RBMS3: variants seen among roughly 807,000 people sequenced by gnomAD.
RBMS3 encodes RNA binding motif single stranded interacting protein 3, also known as RNA-binding motif, single-stranded-interacting protein 3.
RBMS3 carries 27 observed loss-of-function variants against 66.8 expected under a neutral mutation model. That is an observed-to-expected ratio of 0.40 (90% CI 0.30 to 0.56). The LOEUF is 0.56. Among genes scored for constraint, RBMS3 ranks in the 20% least tolerant of loss-of-function variants. RBMS3 has a pLI of 0.40. For missense variants in RBMS3, 513 were observed against 549.5 expected (o/e 0.93, Z 0.66); for synonymous variants, 188 against 183.0 (o/e 1.03, Z -0.22).
At chr3:29,993,437 T>G (rs1264864661) in intron 14 of RBMS3, among the ~76,000 whole-genome samples, 2 of 152,142 alleles carry the variant, frequency 1.3e-5, no homozygotes, top group Non-Finnish European at 2.9e-5. Flanking sequence ...TATGTGACCA[T>G]TTGACTGAGC....
Position 29,862,685 on chromosome 3 carries a change from G to A in RBMS3, c.638-6173G>A, listed in dbSNP as rs140688654. 6.7e-3 allele frequency among the ~76,000 whole-genome samples: 1,024 copies of A among 151,850 alleles called. 10 individuals carry two copies. The highest frequency in any genetic ancestry group is 0.032 in the South Asian group (152 of 4,808). On this transcript the variant is annotated intron_variant, in intron 6 of 14. Transcript: ENST00000383767. ...GGGAGGAACTGCCCTTAGAAGTGAC[G>A]AGAGTGAAATTAGCTAAGTGTGGCG...
chr3:29,659,255 C>T (rs1317999279), intron 4 of RBMS3, among the ~76,000 whole-genome samples: 4 of 152,014 alleles, frequency 2.6e-5, no homozygotes, highest in African/African-American at 9.7e-5. Context: ...CCATCTTAAC[C>T]ATTTTTAAAT....
intron 4 of RBMS3, among the ~76,000 whole-genome samples, chr3:29,601,851 AGAGGAGACAGT>A (rs1356079972): frequency 6.6e-6 from 1 of 152,060 alleles, no homozygotes; most frequent in Non-Finnish European, 1.5e-5. Flanking sequence ...ATAAAACAGA[AGAGGAGACAGT>A]GGTGACATTT....
At chr3:29,337,368 G>C (rs1266504863) in intron 1 of RBMS3, among the ~76,000 whole-genome samples, 3 of 152,138 alleles carry the variant, frequency 2.0e-5, no homozygotes, top group Admixed American at 2.0e-4. Context: ...GCTGGATGCA[G>C]TGGCTCAAGC....
rs147843037 is a variant in RBMS3 at position 29,421,377 on chromosome 3, T to C, written c.76-13366T>C. On this transcript the variant is annotated intron_variant, in intron 1 of 14. Coordinates refer to ENST00000383767, the MANE Select transcript of RBMS3 (RefSeq NM_001003793.3). ...CTGAAAAAAACAATTTAAGCCATTG[T>C]TTACCCACAAAATGTTCTTGCAGGG... Among the ~76,000 whole-genome samples, 7 of 152,312 alleles carry C rather than the reference T, an allele frequency of 4.6e-5. No individual in the cohort carries two copies. In the East Asian group the frequency reaches 1.2e-3, roughly 25 times the overall value.
intron 6 of RBMS3, among the ~76,000 whole-genome samples, chr3:29,811,883 T>C (rs2057739669): frequency 6.6e-6 from 1 of 152,182 alleles, no homozygotes; most frequent in Admixed American, 6.5e-5. Flanking sequence ...TTGCTGAGGG[T>C]ATGCTCTGCC....
At position 29,531,313 on chromosome 3, in the gene RBMS3, C is replaced by T. The variant is rs150073947; in HGVS notation, c.307+42814C>T. ...AAGATCTCTAGATGATTCTTATGTACAATAAAATTTGAGAAGGACCGTTGT... is the reference window on the plus strand; with the variant it reads ...AAGATCTCTAGATGATTCTTATGTATAATAAAATTTGAGAAGGACCGTTGT... On this transcript the variant is annotated intron_variant, in intron 3 of 14. Transcript: ENST00000383767. Among the ~76,000 whole-genome samples, 6 of 152,302 alleles carry T rather than the reference C, an allele frequency of 3.9e-5. No homozygotes were observed. In the East Asian group the frequency reaches 1.2e-3, roughly 29 times the overall value.
At chr3:29,678,639 C>A (rs2051354878) in intron 4 of RBMS3, among the ~76,000 whole-genome samples, 2 of 152,056 alleles carry the variant, frequency 1.3e-5, no homozygotes, top group Admixed American at 1.3e-4. Context: ...TTTCCATATA[C>A]AAATTTTATG....
intron 4 of RBMS3, among the ~76,000 whole-genome samples, chr3:29,610,690 C>T (rs1317401976): frequency 6.6e-6 from 1 of 152,040 alleles, no homozygotes; most frequent in African/African-American, 2.4e-5. Context: ...GTTAATGAGC[C>T]TTCAAAAAAC....
chr3:29,524,602 A>ATTTTT (rs1273815210), intron 3 of RBMS3, among the ~76,000 whole-genome samples: 54 of 148,684 alleles, frequency 3.6e-4, no homozygotes, highest in East Asian at 1.6e-3. Flanking sequence ...CAACTTTTGC[A>ATTTTT]TTTTATTTAT....
chr3:29,794,961 C>T lies in RBMS3; in HGVS notation c.637+31972C>T, dbSNP rs2888163. On this transcript the variant is annotated intron_variant, in intron 6 of 14. Coordinates refer to ENST00000383767, the MANE Select transcript of RBMS3 (RefSeq NM_001003793.3). ...GTAGCATAACTCTATGCTTCCCATT[C>T]TCAACTCATCAGTACTATTTTTTGA... Among the ~76,000 whole-genome samples the T allele has an allele frequency of 9.6e-3, 1,462 of 152,250 alleles. 30 individuals carry two copies. The highest frequency in any genetic ancestry group is 0.034 in the Middle Eastern group (10 of 294).
chr3:29,510,721 G>A (rs1292133508), intron 3 of RBMS3, among the ~76,000 whole-genome samples: 1 of 151,998 alleles, frequency 6.6e-6, no homozygotes, highest in Non-Finnish European at 1.5e-5. Flanking sequence ...TAGAGCTTTT[G>A]GATTTCAGAT....
chr3:29,500,211 A>C (rs2043915487), intron 3 of RBMS3, among the ~76,000 whole-genome samples: 1 of 151,654 alleles, frequency 6.6e-6, no homozygotes, highest in South Asian at 2.1e-4. Flanking sequence ...AAAGTGAGAA[A>C]ATTCCTAATT....
intron 4 of RBMS3, among the ~76,000 whole-genome samples, chr3:29,589,783 A>G (rs893198617): frequency 6.6e-6 from 1 of 152,056 alleles, no homozygotes; most frequent in Non-Finnish European, 1.5e-5. Context: ...CACCTCTTGC[A>G]TCCTTGTTCT....
intron 3 of RBMS3, among the ~76,000 whole-genome samples, chr3:29,494,685 A>G (rs1031357265): frequency 2.0e-4 from 31 of 152,230 alleles, no homozygotes; most frequent in African/African-American, 7.5e-4. Flanking sequence ...TTAAAAAGTC[A>G]GGGAAAATTA....
chr3:29,444,383 G>A (rs1164503948), intron 2 of RBMS3, among the ~76,000 whole-genome samples: 1 of 152,010 alleles, frequency 6.6e-6, no homozygotes, highest in Non-Finnish European at 1.5e-5. Flanking sequence ...TTTTGTTTAA[G>A]AGCCCCATCT....
chr3:29,469,730 G>A (rs1165257804), intron 2 of RBMS3, among the ~76,000 whole-genome samples: 1 of 150,954 alleles, frequency 6.6e-6, no homozygotes, highest in African/African-American at 2.4e-5. Flanking sequence ...TGTTGCAGAG[G>A]GATATTTTAT....
At chr3:29,410,983 G>T (rs1324942004) in intron 1 of RBMS3, among the ~76,000 whole-genome samples, 27 of 117,460 alleles carry the variant, frequency 2.3e-4, no homozygotes, top group African/African-American at 8.5e-4. Context: ...AAAAAAAAAA[G>T]CAACACAACT....
chr3:29,363,875 T>C (rs893384244), intron 1 of RBMS3, among the ~76,000 whole-genome samples: 23 of 152,142 alleles, frequency 1.5e-4, no homozygotes, highest in African/African-American at 5.3e-4. Context: ...AAAAATTTTT[T>C]TTTGCTATCA....
Sources: gnomAD v4.1 joint callset for allele counts (sites outside exome capture counted in the v4.1 genomes callset) on GRCh38, gnomAD v4.1.1 for gene constraint, MANE v1.5 for transcripts, NCBI Gene and HGNC (gene_info 2026-07-23, HGNC 2026-07-21) for gene names.